Variants in NCAPG2 observed in about 807,000 individuals in gnomAD.
NCAPG2 encodes non-SMC condensin II complex subunit G2.
In NCAPG2, 53 loss-of-function variants were observed where a neutral mutation model predicts 141.1. The observed-to-expected ratio is 0.38, with a 90% CI of 0.30 to 0.47. The LOEUF (loss-of-function observed/expected upper bound fraction) is 0.47. Ranked by LOEUF, NCAPG2 falls within the 20% of genes least tolerant of loss-of-function variation. The pLI, the probability that NCAPG2 is intolerant of heterozygous loss-of-function variation, is 0.99. For synonymous variants in NCAPG2, 499 were observed against 490.7 expected (o/e 1.02, Z -0.22); for missense variants, 1,087 against 1,389.0 (o/e 0.78, Z 3.46).
In NCAPG2 at chr7:158,688,411, G is replaced by C. The variant is rs111585848; in HGVS notation, c.673-969C>G. On this transcript the variant is annotated intron_variant, in intron 6 of 27. Coordinates refer to ENST00000356309, the MANE Select transcript of NCAPG2 (RefSeq NM_017760.7). ...TCTGCACACATATATAAGTTAACAA[G>C]TACGATTCATCAACTCCTTATGTAT... Among the ~76,000 whole-genome samples, 716 of 152,288 alleles carry C rather than the reference G, an allele frequency of 4.7e-3. 7 individuals carry two copies. The highest frequency in any genetic ancestry group is 0.012 in the African/African-American group (489 of 41,564).
In NCAPG2 at chr7:158,635,360, C is replaced by G. The variant is rs1434645935; in HGVS notation, c.3381-3643G>C. ...AGAGAGGCCATTTTCAGGGAGTACT[C>G]TTTCCCTTCAAGGTTTAATGTTGGC... is the stretch of plus-strand genomic sequence containing the variant. On this transcript the variant is annotated intron_variant, in intron 27 of 27. Transcript: ENST00000356309. Among the ~76,000 whole-genome samples the G allele has an allele frequency of 2.0e-5, 3 of 152,112 alleles. No homozygotes were observed. In the East Asian group the frequency reaches 5.8e-4, roughly 29 times the overall value.
chr7:158,639,441 T>C (rs1172635790), intron 27 of NCAPG2, among the ~76,000 whole-genome samples: 1 of 152,212 alleles, frequency 6.6e-6, no homozygotes, highest in East Asian at 1.9e-4. Flanking sequence ...AATTCAGTGG[T>C]ACACATATTA....
chr7:158,692,778 GA>G, intron 4 of NCAPG2, 63 bp downstream of exon 4: 1 of 1,000,260 alleles, frequency 1.0e-6, no homozygotes, highest in Non-Finnish European at 1.5e-6. Flanking sequence ...AATAAAAACA[GA>G]AACAAAAACA....
rs748900120 is a variant in NCAPG2 at position 158,656,266 on chromosome 7, C to T, written c.2382G>A (p.Thr794=). The T allele has an allele frequency of 1.9e-6, 3 of 1,613,830 alleles. No homozygotes were observed. Among genetic ancestry groups the T allele is most frequent in the South Asian group, 1.1e-5 (1 of 91,020 alleles). ...KLNHLLKALE[T]SKADLESLLQ... is the part of the protein sequence containing the mutation. ...TCTCAGGGCACAGAGTTACCTTTGACGTTTCAAGGGCTTTCAAAAGATGGT... is the reference window on the plus strand; with the variant it reads ...TCTCAGGGCACAGAGTTACCTTTGATGTTTCAAGGGCTTTCAAAAGATGGT... Residue 794 remains threonine, a synonymous_variant, in exon 19 of 28, where the codon ACG becomes ACA. Transcript: ENST00000356309.
At chr7:158,674,842 C>A (rs1264131529) in intron 12 of NCAPG2, among the ~76,000 whole-genome samples, 3 of 152,214 alleles carry the variant, frequency 2.0e-5, no homozygotes, top group Non-Finnish European at 1.5e-5. Context: ...TCAAGAAATT[C>A]TCTGAATTGG....
At chr7:158,666,651 G>A (rs565895333) in intron 13 of NCAPG2, among the ~76,000 whole-genome samples, 22 of 151,802 alleles carry the variant, frequency 1.4e-4, no homozygotes, top group African/African-American at 4.6e-4. Context: ...TATTGGCTGG[G>A]CACAGTGGCT....
At chr7:158,653,022 CA>C (rs1403456623) in intron 22 of NCAPG2, among the ~76,000 whole-genome samples, 1 of 152,146 alleles carries the variant, frequency 6.6e-6, no homozygotes, top group African/African-American at 2.4e-5. Context: ...TTGACTGTTG[CA>C]ATCATTAAGC....
In NCAPG2 at chr7:158,665,687, G is replaced by A. The variant is rs559196937; in HGVS notation, c.1480-937C>T. 4.0e-5 allele frequency among the ~76,000 whole-genome samples: 6 copies of A among 151,898 alleles called. No homozygotes were observed. In the South Asian group the frequency reaches 1.0e-3, roughly 26 times the overall value. On this transcript the variant is annotated intron_variant, in intron 13 of 27. Transcript: ENST00000356309. The stretch of plus-strand genomic sequence containing the variant: ...CCACCTTCCCTCCCCCTTGTCAGTC[G>A]ACCTGCTCCTAAGTGTGCCTGCATC...
intron 13 of NCAPG2, among the ~76,000 whole-genome samples, chr7:158,666,695 G>A (rs1263367461): frequency 6.6e-6 from 1 of 151,876 alleles, no homozygotes; most frequent in Non-Finnish European, 1.5e-5. Context: ...AGGAGACCAA[G>A]GCAGGAGGAT....
rs1037367483 is a variant in NCAPG2 at position 158,654,690 on chromosome 7, T to A, written c.2651A>T (p.Tyr884Phe). Reference protein sequence around the residue: ...RVIYQQIIQTYLTVCKDVVMV... With the variant: ...RVIYQQIIQTFLTVCKDVVMV... ...AACAACATCTTTACACACAGTCAGG[T>A]AGGTCTGTAAGAGACAGACACAGCT... The change falls in exon 22 of 28, where the codon TAC (tyrosine) becomes TTC (phenylalanine). Residue 884 changes from tyrosine (Y) to phenylalanine (F), a missense_variant. Coordinates refer to ENST00000356309, the MANE Select transcript of NCAPG2 (RefSeq NM_017760.7). 9.3e-6 allele frequency: 15 copies of A among 1,613,502 alleles called. No homozygotes were observed. The highest frequency in any genetic ancestry group is 1.7e-5 in the Admixed American group (1 of 59,868).
At chr7:158,696,762 A>C (rs1835471832) in intron 2 of NCAPG2, 1 of 152,180 alleles carries the variant, frequency 6.6e-6, no homozygotes, top group Non-Finnish European at 1.5e-5. Context: ...TAGCTTCCCA[A>C]ATGTGCCCTG....
At chr7:158,680,494 C>T (rs1225999610) in intron 10 of NCAPG2, among the ~76,000 whole-genome samples, 1 of 152,186 alleles carries the variant, frequency 6.6e-6, no homozygotes, top group Admixed American at 6.5e-5. Flanking sequence ...AACATGGTTA[C>T]TTAAAAATAA....
At chr7:158,636,185 A>G (rs922361074) in intron 27 of NCAPG2, among the ~76,000 whole-genome samples, 16 of 152,114 alleles carry the variant, frequency 1.1e-4, no homozygotes, top group Non-Finnish European at 1.5e-5. Context: ...TGTTCTGTTC[A>G]TGTCCTTTTC....
chr7:158,687,571 C>T (rs1259373474), intron 6 of NCAPG2, 129 bp from the exon 7 acceptor site: 8 of 669,136 alleles, frequency 1.2e-5, no homozygotes, highest in Non-Finnish European at 2.0e-5. Flanking sequence ...GTAATTATCA[C>T]TGAGAGCACA....
At chr7:158,689,132 T>C (rs1834968670) in intron 6 of NCAPG2, among the ~76,000 whole-genome samples, 1 of 152,216 alleles carries the variant, frequency 6.6e-6, no homozygotes, top group African/African-American at 2.4e-5. Context: ...AATTCTTTAG[T>C]AGTCATGTTA....
Position 158,680,648 on chromosome 7 carries a change from G to T in NCAPG2, c.1020+73C>A. ...ATCTTTACTATTTTATTGTAATTTG[G>T]ACTTAGAGTTTGCTAAATTCAAAAG... On this transcript the variant is annotated intron_variant, in intron 10 of 27. Transcript: ENST00000356309. The T allele has an allele frequency of 4.1e-6, 4 of 969,612 alleles. No individual in the cohort carries two copies. In the South Asian group the frequency reaches 7.9e-5, roughly 19 times the overall value. 60.1% of individuals were successfully genotyped at this position (969,612 alleles called of 1,614,324 possible). A position where few individuals can be genotyped will look rare whatever the true frequency, so the allele number is the denominator to read the frequency against.
chr7:158,694,894 CTCCATTTTCCTT>C (rs953957064), intron 2 of NCAPG2, among the ~76,000 whole-genome samples: 9 of 152,158 alleles, frequency 5.9e-5, no homozygotes, highest in African/African-American at 2.2e-4. Context: ...CAATTCTCCT[CTCCATTTTCCTT>C]AAGCCTTTGC....
chr7:158,668,498 A>G (rs1378169645), intron 13 of NCAPG2: 1 of 868,466 alleles, frequency 1.2e-6, no homozygotes, highest in African/African-American at 1.8e-5. Context: ...ACATTCTGAA[A>G]TACAAAGAAA....
At position 158,656,694 on chromosome 7, in the gene NCAPG2, A is replaced by G. The variant is rs760908964; in HGVS notation, c.2072T>C (p.Ile691Thr). 1 of 1,613,940 alleles carries G rather than the reference A, an allele frequency of 6.2e-7. No homozygotes were observed. Among genetic ancestry groups the G allele is most frequent in the Non-Finnish European group, 8.5e-7 (1 of 1,179,972 alleles). The change falls in exon 18 of 28, where the codon ATT (isoleucine) becomes ACT (threonine). Residue 691 changes from isoleucine (I) to threonine (T), a missense_variant. Physicochemically the swap from Ile to Thr is moderately conservative, Grantham distance 89. Coordinates refer to ENST00000356309, the MANE Select transcript of NCAPG2 (RefSeq NM_017760.7). ...SAVPPFSCGV[I>T]STLRSREEGA... ...CTCCTCCCGGCTTCTCAGCGTGGAA[A>G]TCACACCACAGCTGAAAATGTCAGA...
Sources: gnomAD v4.1 joint callset for allele counts (sites outside exome capture counted in the v4.1 genomes callset) on GRCh38, gnomAD v4.1.1 for gene constraint, MANE v1.5 for transcripts, NCBI Gene and HGNC (gene_info 2026-07-23, HGNC 2026-07-21) for gene names.